Variants in DPP6 observed in about 807,000 individuals in gnomAD.
DPP6 encodes the protein A-type potassium channel modulatory protein DPP6.
In DPP6, 69 loss-of-function variants were observed where a neutral mutation model predicts 122.6. That is an observed-to-expected ratio of 0.56 (90% CI 0.46 to 0.69). DPP6 has a LOEUF of 0.69. Among genes scored for constraint, DPP6 ranks in the 30% least tolerant of loss-of-function variants. The pLI is 0.00. For synonymous variants in DPP6, 418 were observed against 433.1 expected (o/e 0.97, Z 0.43); for missense variants, 928 against 1,116.9 (o/e 0.83, Z 2.41).
At chr7:154,029,589 G>A (rs1297561570) in intron 1 of DPP6, among the ~76,000 whole-genome samples, 1 of 150,928 alleles carries the variant, frequency 6.6e-6, no homozygotes, top group Non-Finnish European at 1.5e-5. Flanking sequence ...GCTCACGCCT[G>A]TAATCCCAGC....
chr7:153,875,891 G>C, the DPP6 span, among the ~76,000 whole-genome samples: 1 of 137,556 alleles, frequency 7.3e-6, no homozygotes, highest in Non-Finnish European at 1.5e-5. Context: ...AAGACAGGCA[G>C]CTCACAAAAA....
At chr7:154,223,117 A>G (rs1458648203) in intron 1 of DPP6, among the ~76,000 whole-genome samples, 1 of 148,958 alleles carries the variant, frequency 6.7e-6, no homozygotes, top group Non-Finnish European at 1.5e-5. Flanking sequence ...GCATTTTTGC[A>G]TGTACAAAGT....
At position 154,401,757 on chromosome 7, in the gene DPP6, T is replaced by G. The variant is rs543294948; in HGVS notation, c.244-44457T>G. ...CCAAAATTGACAAATGGGATCTAAT[T>G]AAACTAAAGAGCTTCTGCACAGCAA... On this transcript the variant is annotated intron_variant, in intron 1 of 25. Transcript: ENST00000377770. Among the ~76,000 whole-genome samples, 26 of 152,218 alleles carry G rather than the reference T, an allele frequency of 1.7e-4. No individual in the cohort carries two copies. The South Asian group carries it at 4.4e-3, about 26-fold the overall frequency.
the DPP6 span, among the ~76,000 whole-genome samples, chr7:153,802,597 A>G: frequency 1.3e-5 from 2 of 151,964 alleles, no homozygotes; most frequent in African/African-American, 4.8e-5. Context: ...TCCTTTACTC[A>G]ATTATTGATG....
rs201886271 is a variant in DPP6, at chr7:154,709,719, CA to C, written c.763-18041del. ...GATCTCAAGCCAGCGGTTCACTTTT[CA>C]AAAAAACCCAACACTCCTTTACCCA... On this transcript the variant is annotated intron_variant, in intron 7 of 25. Coordinates refer to ENST00000377770, the MANE Select transcript of DPP6 (RefSeq NM_130797.4). 6.4e-3 allele frequency among the ~76,000 whole-genome samples: 962 copies of C among 151,488 alleles called. 14 individuals are homozygous for C. The highest frequency in any genetic ancestry group is 0.022 in the African/African-American group (920 of 41,320).
intron 10 of DPP6, among the ~76,000 whole-genome samples, chr7:154,781,235 G>A (rs1797009539): frequency 6.6e-6 from 1 of 152,190 alleles, no homozygotes; most frequent in East Asian, 1.9e-4. Context: ...GATGGGTGCT[G>A]AGTGTGTGAA....
intron 1 of DPP6, among the ~76,000 whole-genome samples, chr7:154,243,720 A>C (rs1801797437): frequency 6.6e-6 from 1 of 152,022 alleles, no homozygotes; most frequent in African/African-American, 2.4e-5. Flanking sequence ...ATGTGAACCC[A>C]GGAGGCCAGA....
rs899591530 is a variant in DPP6, at chr7:154,857,211, C to T, written c.1714+3384C>T. ...GATTAAATGTGGTTGAGTTGATTGT[C>T]GTTCCCATCCCCAGGAGGACAGTAG... On this transcript the variant is annotated intron_variant, in intron 17 of 25. Coordinates refer to ENST00000377770, the MANE Select transcript of DPP6 (RefSeq NM_130797.4). 4.6e-5 allele frequency among the ~76,000 whole-genome samples: 7 copies of T among 152,306 alleles called. No homozygotes were observed. The South Asian group carries it at 6.2e-4, about 14-fold the overall frequency.
At chr7:154,085,005 AAAAAAAC>A (rs1804296190) in intron 1 of DPP6, among the ~76,000 whole-genome samples, 1 of 151,652 alleles carries the variant, frequency 6.6e-6, no homozygotes. Context: ...AAAAAAAAAA[AAAAAAAC>A]AGGTGCCTTT....
intron 3 of DPP6, among the ~76,000 whole-genome samples, chr7:154,528,321 G>C (rs998041843): frequency 6.6e-6 from 1 of 152,122 alleles, no homozygotes. Context: ...ACATCTTATT[G>C]CTTTGCAATT....
chr7:154,834,531 G>A (rs920795413), intron 16 of DPP6, among the ~76,000 whole-genome samples: 6 of 151,962 alleles, frequency 3.9e-5, no homozygotes, highest in Admixed American at 6.6e-5. Flanking sequence ...CATTTATTTC[G>A]CTCTAATAAT....
At chr7:154,103,128 G>A (rs1390969363) in intron 1 of DPP6, among the ~76,000 whole-genome samples, 1 of 152,090 alleles carries the variant, frequency 6.6e-6, no homozygotes, top group Non-Finnish European at 1.5e-5. Context: ...GTCTGTGGGT[G>A]GGGATTGCAA....
Position 154,474,828 on chromosome 7 carries a change from C to A in DPP6, c.359-111C>A, listed in dbSNP as rs1822582546. The A allele has an allele frequency of 1.4e-5, 11 of 772,846 alleles. No individual in the cohort carries two copies. The South Asian group carries it at 1.8e-4, about 13-fold the overall frequency. The allele number at this position is 772,846 out of a possible 1,614,324, so 47.9% of individuals were successfully genotyped here. ...TTTATCCCCATTCACTTATGGACGT[C>A]ATGTGTGTTCCCATCCATACTATTT... On this transcript the variant is annotated intron_variant, in intron 2 of 25. Coordinates refer to ENST00000377770, the MANE Select transcript of DPP6 (RefSeq NM_130797.4).
intron 1 of DPP6, among the ~76,000 whole-genome samples, chr7:153,957,206 C>T (rs962982100): frequency 6.6e-6 from 1 of 152,082 alleles, no homozygotes; most frequent in Admixed American, 6.5e-5. Flanking sequence ...GTGTGGGGTT[C>T]AGGGTACTGA....
chr7:153,974,965 C>T (rs1163642837), intron 1 of DPP6, among the ~76,000 whole-genome samples: 1 of 152,196 alleles, frequency 6.6e-6, no homozygotes, highest in Non-Finnish European at 1.5e-5. Context: ...GCTTCTTCGA[C>T]CATGTCCAAG....
In DPP6 at chr7:153,891,090, C is replaced by T. The variant is rs555831030; in HGVS notation, c.51+3356C>T. Among the ~76,000 whole-genome samples, 7 of 140,684 alleles carry T rather than the reference C, an allele frequency of 5.0e-5. No homozygotes were observed. In the East Asian group the frequency reaches 1.3e-3, roughly 26 times the overall value. The allele number at this position is 140,684 out of a possible 152,430, so 92.3% of individuals were successfully genotyped here. ...AGGCTGGAGTGCAGTGGTGCTATCT[C>T]GGCTCACTGCAAGCTCCGCCTCCCG... On this transcript the variant is annotated intron_variant, in intron 1 of 25. Coordinates refer to the DPP6 transcript ENST00000404039.
At chr7:154,696,532 C>T (rs547522622) in intron 7 of DPP6, among the ~76,000 whole-genome samples, 4 of 152,292 alleles carry the variant, frequency 2.6e-5, no homozygotes, top group Non-Finnish European at 5.9e-5. Context: ...TCTTTGACCC[C>T]ACTACAGATG....
chr7:154,575,658 T>C (rs1218342402), intron 5 of DPP6, among the ~76,000 whole-genome samples: 2 of 139,682 alleles, frequency 1.4e-5, no homozygotes, highest in African/African-American at 2.7e-5. Flanking sequence ...TTTTGTGTGG[T>C]GTGTGTGTAT....
intron 21 of DPP6, among the ~76,000 whole-genome samples, chr7:154,881,892 G>C (rs547646156): frequency 1.3e-5 from 2 of 152,310 alleles, no homozygotes; most frequent in South Asian, 4.1e-4. Flanking sequence ...CAGGTGCCTA[G>C]ATGTCCACTC....
Sources: gnomAD v4.1 joint callset for allele counts (sites outside exome capture counted in the v4.1 genomes callset) on GRCh38, gnomAD v4.1.1 for gene constraint, MANE v1.5 for transcripts, NCBI Gene and HGNC (gene_info 2026-07-23, HGNC 2026-07-21) for gene names.